Variants in PCNX2 observed in about 807,000 individuals in gnomAD.
PCNX2 encodes pecanex 2, also known as pecanex-like protein 2.
In PCNX2, 168 loss-of-function variants were observed where a neutral mutation model predicts 223.8. The observed-to-expected ratio is 0.75, with a 90% confidence interval of 0.66 to 0.85. The LOEUF is 0.85. Among genes scored for constraint, PCNX2 ranks in the 40% least tolerant of loss-of-function variants. The pLI is 0.00. For synonymous variants in PCNX2, 1,006 were observed against 1,052.6 expected (o/e 0.96, Z 0.86); for missense variants, 2,507 against 2,675.5 (o/e 0.94, Z 1.39).
chr1:232,994,822 G>A (rs986757599), intron 32 of PCNX2, among the ~76,000 whole-genome samples: 8 of 152,074 alleles, frequency 5.3e-5, no homozygotes, highest in African/African-American at 1.9e-4. Context: ...GCTCTCTCCT[G>A]CCACCATGTA....
In PCNX2 at chr1:233,034,859, C is replaced by T. The variant is rs368375242; in HGVS notation, c.4352-9460G>A. On this transcript the variant is annotated intron_variant, in intron 25 of 33. Transcript: ENST00000258229. ...AAGGGAAAGCTAGAGTTAGATCAAA[C>T]GGGAAACATTTGAACCTAATTCTGT... Among the ~76,000 whole-genome samples the T allele has an allele frequency of 1.9e-4, 29 of 152,214 alleles. No individual in the cohort carries two copies. The South Asian group carries it at 3.9e-3, about 21-fold the overall frequency.
At chr1:233,321,290 C>T in the PCNX2 span, among the ~76,000 whole-genome samples, 1 of 151,756 alleles carries the variant, frequency 6.6e-6, no homozygotes, top group Non-Finnish European at 1.5e-5. Context: ...ATTACCCAAG[C>T]GCTTTTTATT....
chr1:233,131,234 C>G (rs1229189064), intron 21 of PCNX2, among the ~76,000 whole-genome samples: 1 of 152,136 alleles, frequency 6.6e-6, no homozygotes, highest in East Asian at 1.9e-4. Flanking sequence ...AGGACAAGAC[C>G]TGTCATGAGC....
chr1:233,203,278 C>A (rs1453959840), intron 13 of PCNX2, among the ~76,000 whole-genome samples: 1 of 152,174 alleles, frequency 6.6e-6, no homozygotes, highest in Non-Finnish European at 1.5e-5. Context: ...GGCTTTCTCA[C>A]CCACAGGATA....
intron 18 of PCNX2, among the ~76,000 whole-genome samples, chr1:233,160,832 T>C (rs577173577): frequency 2.6e-5 from 4 of 152,328 alleles, no homozygotes; most frequent in East Asian, 3.9e-4. Flanking sequence ...AGGAATCCCA[T>C]CTGGAGCTCC....
chr1:233,016,954 T>C lies in PCNX2; in HGVS notation c.4806A>G (p.Glu1602=), dbSNP rs1234312843. ...TRASFCNVYL[E]WIQHCARKRQ... is the part of the protein sequence containing the mutation. ...TTTTCCGTGCACAGTGTTGAATCCATTCTAGATAAACATTGCAGAAGCTAG... is the reference window on the plus strand; with the variant it reads ...TTTTCCGTGCACAGTGTTGAATCCACTCTAGATAAACATTGCAGAAGCTAG... The change falls in exon 27 of 34, where the codon GAA becomes GAG. Residue 1602 remains glutamate (E), a synonymous_variant. Transcript: ENST00000258229. 6.2e-7 allele frequency: 1 copy of C among 1,613,108 alleles called. No individual in the cohort carries two copies. The highest frequency in any genetic ancestry group is 2.2e-5 in the East Asian group (1 of 44,842).
intron 15 of PCNX2, among the ~76,000 whole-genome samples, chr1:233,192,926 T>G (rs906084002): frequency 6.7e-6 from 1 of 149,876 alleles, no homozygotes; most frequent in African/African-American, 2.4e-5. Flanking sequence ...GTTAAAAGGA[T>G]AGATTTCATG....
At chr1:233,075,564 G>A (rs1218388796) in intron 23 of PCNX2, among the ~76,000 whole-genome samples, 1 of 152,092 alleles carries the variant, frequency 6.6e-6, no homozygotes, top group African/African-American at 2.4e-5. Context: ...TCTGTATCTT[G>A]AATGTATCAA....
At position 233,259,125 on chromosome 1, in the gene PCNX2, C is replaced by A; in HGVS notation, c.737G>T (p.Gly246Val). 6.2e-7 allele frequency: 1 copy of A among 1,613,986 alleles called. No homozygotes were observed. The highest frequency in any genetic ancestry group is 8.5e-7 in the Non-Finnish European group (1 of 1,179,878). The change falls in exon 5 of 34, where the codon GGC becomes GTC. Residue 246 changes from glycine (G) to valine (V), a missense_variant. Gly to Val is a moderately radical substitution (Grantham distance 109). Around this residue, in one of 3 missense-constraint regions of PCNX2, gnomAD observed 1,031 missense variants for 1,021.7 expected, o/e 1.01. Transcript: ENST00000258229. The part of the protein sequence containing the change: ...QPPLRHRSEG[G>V]LVDKGPLKKL... ...CTTCAAGGGTCCCTTATCCACTAAG[C>A]CACCCTCGGATCTGTGGCGCAAAGG... is the stretch of plus-strand genomic sequence containing the variant.
At chr1:232,988,467 C>A (rs16858481) in intron 32 of PCNX2, among the ~76,000 whole-genome samples, 3,425 of 151,986 alleles carry the variant, frequency 0.023, 55 homozygotes, top group African/African-American at 0.046. Context: ...ACTAAGGAAG[C>A]AAACCATGCT....
At chr1:233,190,818 T>C (rs1294490473) in intron 15 of PCNX2, among the ~76,000 whole-genome samples, 5 of 152,154 alleles carry the variant, frequency 3.3e-5, no homozygotes, top group African/African-American at 7.2e-5. Context: ...ATAAACTGAA[T>C]AGAAAACAGA....
At chr1:233,030,344 A>G (rs2102841495) in intron 25 of PCNX2, among the ~76,000 whole-genome samples, 1 of 152,260 alleles carries the variant, frequency 6.6e-6, no homozygotes, top group African/African-American at 2.4e-5. Flanking sequence ...TTGAAATCCT[A>G]AACATAGTAT....
chr1:233,252,183 G>T (rs745713522), intron 7 of PCNX2, among the ~76,000 whole-genome samples, 171 bp downstream of exon 7: 5 of 152,208 alleles, frequency 3.3e-5, no homozygotes, highest in Non-Finnish European at 5.9e-5. Flanking sequence ...ACGTGTAAAG[G>T]CCCCGAGATG....
At chr1:233,123,336 C>T (rs1001895575) in intron 21 of PCNX2, among the ~76,000 whole-genome samples, 1 of 152,138 alleles carries the variant, frequency 6.6e-6, no homozygotes, top group Non-Finnish European at 1.5e-5. Flanking sequence ...AATCCCAGCA[C>T]TTTGGGAGGC....
intron 17 of PCNX2, among the ~76,000 whole-genome samples, chr1:233,164,847 G>C (rs1049456532): frequency 6.6e-6 from 1 of 152,038 alleles, no homozygotes; most frequent in African/African-American, 2.4e-5. Flanking sequence ...TAGAAGTACA[G>C]AGTGGAATAG....
At chr1:232,985,867 G>A in intron 33 of PCNX2, 1 of 618,982 alleles carries the variant, frequency 1.6e-6, no homozygotes. Flanking sequence ...TGCCTGCCTG[G>A]GCATTATCGT....
chr1:233,011,199 T>C (rs532511810), intron 28 of PCNX2, among the ~76,000 whole-genome samples: 2 of 152,298 alleles, frequency 1.3e-5, no homozygotes, highest in South Asian at 4.2e-4. Flanking sequence ...AACAATAATA[T>C]ATCATGACCA....
intron 4 of PCNX2, 37 bp downstream of exon 4, chr1:233,261,248 T>C: frequency 1.3e-6 from 2 of 1,545,012 alleles, no homozygotes; most frequent in Non-Finnish European, 1.8e-6. Flanking sequence ...TCACTGAGGA[T>C]AGTGCTGTGA....
In PCNX2 at chr1:233,161,274, C is replaced by A. The variant is rs1278232735; in HGVS notation, c.3363G>T (p.Leu1121Phe). The change falls in exon 18 of 34, where the codon TTG becomes TTT. Residue 1121 changes from leucine (L) to phenylalanine (F), a missense_variant. Around this residue, in one of 3 missense-constraint regions of PCNX2, gnomAD observed 1,372 missense variants for 1,509.4 expected, o/e 0.91. Coordinates refer to ENST00000258229, the MANE Select transcript of PCNX2 (RefSeq NM_014801.4). ...AVSASTVFLS[L>F]RPFLSIVLFA... ...TACAAAGTTGGTGGATACATACTCG[C>A]AATGACAGGAATACAGTGCTGGCGC... 1 of 1,613,100 alleles carries A rather than the reference C, an allele frequency of 6.2e-7. No homozygotes were observed. Among genetic ancestry groups the A allele is most frequent in the African/African-American group, 1.3e-5 (1 of 74,876 alleles).
Sources: allele counts gnomAD v4.1 joint callset (sites outside exome capture counted in the v4.1 genomes callset), GRCh38; gene constraint gnomAD v4.1.1; regional missense constraint gnomAD v4.1.1; transcripts MANE v1.5; gene names NCBI Gene and HGNC (gene_info 2026-07-23, HGNC 2026-07-21).